Variants in CARS1 observed in about 807,000 individuals in gnomAD.
The protein encoded by CARS1 is cysteine--tRNA ligase, cytoplasmic.
A neutral mutation model predicts 106.2 loss-of-function variants in CARS1; 48 were observed. That is an observed-to-expected ratio of 0.45 (90% CI 0.36 to 0.57). The LOEUF (loss-of-function observed/expected upper bound fraction) is 0.57. Among genes scored for constraint, CARS1 ranks in the 20% least tolerant of loss-of-function variants. The pLI is 0.00. For synonymous variants in CARS1, 409 were observed against 403.4 expected (o/e 1.01, Z -0.17); for missense variants, 968 against 1,057.2 (o/e 0.92, Z 1.17).
rs1028149468 is a variant in CARS1 at position 3,045,683 on chromosome 11, G to A, written c.274+2070C>T. On this transcript the variant is annotated intron_variant, in intron 2 of 22. Coordinates refer to ENST00000380525, the MANE Select transcript of CARS1 (RefSeq NM_001014437.3). This position sits in a 1 kb window ranked among gnomAD's most constrained non-coding sequence, Gnocchi z 5.6. ...ACACAGGCACATCTGATGCTGCTGG[G>A]ATGTCCAACAGAGGTGGAAGGGCGA... is the stretch of plus-strand genomic sequence containing the variant. 2.6e-5 allele frequency among the ~76,000 whole-genome samples: 4 copies of A among 152,232 alleles called. No homozygotes were observed. Among genetic ancestry groups the A allele is most frequent in the African/African-American group, 9.6e-5 (4 of 41,466 alleles).
rs1279483648 is a variant in CARS1, at chr11:3,048,863, T to A, written c.26-862A>T. Reference sequence around the variant, plus strand: ...GGCCCCAGGCCCCAGCCTCCCTCCTTAGAGCCTTCAAAGCAGTAAGCGTGC... The same window carrying A: ...GGCCCCAGGCCCCAGCCTCCCTCCTAAGAGCCTTCAAAGCAGTAAGCGTGC... On this transcript the variant is annotated intron_variant, in intron 1 of 22. Transcript: ENST00000380525. The surrounding 1 kb of genome is among the most constrained non-coding windows in gnomAD (Gnocchi z 5.1). Among the ~76,000 whole-genome samples the A allele has an allele frequency of 6.6e-6, 1 of 152,112 alleles. No homozygotes were observed. Among genetic ancestry groups the A allele is most frequent in the Non-Finnish European group, 1.5e-5 (1 of 68,008 alleles).
chr11:3,019,456 G>A lies in CARS1; in HGVS notation c.1267-189C>T, dbSNP rs1039138240. 4.6e-5 allele frequency among the ~76,000 whole-genome samples: 7 copies of A among 152,198 alleles called. No individual in the cohort carries two copies. The highest frequency in any genetic ancestry group is 7.3e-5 in the Non-Finnish European group (5 of 68,032). On this transcript the variant is annotated intron_variant, in intron 11 of 22. Transcript: ENST00000380525. The surrounding 1 kb of genome is among the most constrained non-coding windows in gnomAD (Gnocchi z 6.2). ...CACACCTGTAATCCCAGCACTTTGC[G>A]ATGCCGAGGCAGACGGATCACCAGG...
chr11:3,026,712 C>T lies in CARS1; in HGVS notation c.1117G>A (p.Ala373Thr). 1 of 1,614,062 alleles carries T rather than the reference C, an allele frequency of 6.2e-7. No homozygotes were observed. Among genetic ancestry groups the T allele is most frequent in the Non-Finnish European group, 8.5e-7 (1 of 1,179,996 alleles). Residue 373 changes from alanine (A) to threonine (T), a missense_variant, in exon 10 of 23, where the codon GCC becomes ACC. Transcript: ENST00000380525. Reference sequence around the variant, plus strand: ...TGAAGGGCTTTCTGATCTCCAACGGCCTCAGGCACCAGCTTCCCATAGGAG... The same window carrying T: ...TGAAGGGCTTTCTGATCTCCAACGGTCTCAGGCACCAGCTTCCCATAGGAG... Reference protein sequence around the residue: ...KHSYGKLVPEAVGDQKALQEG... With the variant: ...KHSYGKLVPETVGDQKALQEG...
chr11:3,017,812 A>C lies in CARS1; in HGVS notation c.1727+45T>G, dbSNP rs1851195242. 1 of 1,322,100 alleles carries C rather than the reference A, an allele frequency of 7.6e-7. No individual in the cohort carries two copies. Among genetic ancestry groups the C allele is most frequent in the Non-Finnish European group, 1.1e-6 (1 of 914,382 alleles). 81.9% of individuals were successfully genotyped at this position (1,322,100 alleles called of 1,614,324 possible). A position where few individuals can be genotyped will look rare whatever the true frequency, so the allele number is the denominator to read the frequency against. On this transcript the variant is annotated intron_variant, in intron 15 of 22. Transcript: ENST00000380525. This position sits in a 1 kb window ranked among gnomAD's most constrained non-coding sequence, Gnocchi z 4.9. ...GGCCAAGATGCGAGGCTAGGCATAG[A>C]ACATGGGCATGCTCAAAAACCCCAA... is the stretch of plus-strand genomic sequence containing the variant.
chr11:3,005,496 AGCCCTGCCCT>A (rs376603650), intron 19 of CARS1, 63 bp from the exon 20 acceptor site: 12 of 1,305,352 alleles, frequency 9.2e-6, no homozygotes, highest in East Asian at 6.9e-5. Flanking sequence ...CTGCGGGGCC[AGCCCTGCCCT>A]GCCCTGCCCT....
Position 3,007,553 on chromosome 11 carries a change from C to T in CARS1, c.2069-594G>A, listed in dbSNP as rs549526199. Reference sequence around the variant, plus strand: ...TCAGCCCTCCCAGGGCTGAAGCGCACGCAGCTGTAAAGGCGGGGCTGAGCG... The same window carrying T: ...TCAGCCCTCCCAGGGCTGAAGCGCATGCAGCTGTAAAGGCGGGGCTGAGCG... On this transcript the variant is annotated intron_variant, in intron 18 of 22. Transcript: ENST00000380525. 25 of 152,878 alleles carry T rather than the reference C, an allele frequency of 1.6e-4. No individual in the cohort carries two copies. The South Asian group carries it at 4.1e-3, about 25-fold the overall frequency. 9.5% of individuals were successfully genotyped at this position (152,878 alleles called of 1,614,324 possible). A position where few individuals can be genotyped will look rare whatever the true frequency, so the allele number is the denominator to read the frequency against.
chr11:3,057,306 C>G (rs4758463), intron 1 of CARS1, 37 bp downstream of exon 1: 330,488 of 1,590,730 alleles, frequency 0.21, 36,577 homozygotes, highest in South Asian at 0.3. Flanking sequence ...AGTCAGGCCC[C>G]CAGCCGCCCT....
rs927801092 is a variant in CARS1 at position 3,044,577 on chromosome 11, A to G, written c.275-2321T>C. ...ACGCCCCACCAATTTTTGTATCTTT[A>G]GTAGGGATGGGGTTTCACCATATTG... On this transcript the variant is annotated intron_variant, in intron 2 of 22. Coordinates refer to ENST00000380525, the MANE Select transcript of CARS1 (RefSeq NM_001014437.3). This position sits in a 1 kb window ranked among gnomAD's most constrained non-coding sequence, Gnocchi z 4.4. Among the ~76,000 whole-genome samples, 1 of 152,100 alleles carries G rather than the reference A, an allele frequency of 6.6e-6. No homozygotes were observed. The highest frequency in any genetic ancestry group is 1.9e-4 in the East Asian group (1 of 5,182).
chr11:3,042,449 G>A, intron 2 of CARS1, 193 bp from the exon 3 acceptor site: 1 of 560,412 alleles, frequency 1.8e-6, no homozygotes, highest in Non-Finnish European at 3.2e-6. Flanking sequence ...TTTTTAGACG[G>A]AGTCTCGCTC....
Position 3,040,819 on chromosome 11 carries a change from C to A in CARS1, c.455+77G>T. On this transcript the variant is annotated intron_variant, in intron 4 of 22. Coordinates refer to ENST00000380525, the MANE Select transcript of CARS1 (RefSeq NM_001014437.3). The surrounding 1 kb of genome is among the most constrained non-coding windows in gnomAD (Gnocchi z 5.8). Reference sequence around the variant, plus strand: ...TCTAAGATCTTTGTGGACCTAAGATCGCTGCTGTGGATCCCAATGGCTCTG... The same window carrying A: ...TCTAAGATCTTTGTGGACCTAAGATAGCTGCTGTGGATCCCAATGGCTCTG... The A allele has an allele frequency of 6.8e-7, 1 of 1,468,366 alleles. No individual in the cohort carries two copies. The highest frequency in any genetic ancestry group is 9.4e-7 in the Non-Finnish European group (1 of 1,067,634). 91.0% of individuals were successfully genotyped at this position (1,468,366 alleles called of 1,614,324 possible). A position where few individuals can be genotyped will look rare whatever the true frequency, so the allele number is the denominator to read the frequency against.
At position 3,022,125 on chromosome 11, in the gene CARS1, C is replaced by T. The variant is rs1344840076; in HGVS notation, c.1154-1793G>A. On this transcript the variant is annotated intron_variant, in intron 10 of 22. Coordinates refer to ENST00000380525, the MANE Select transcript of CARS1 (RefSeq NM_001014437.3). This position sits in a 1 kb window ranked among gnomAD's most constrained non-coding sequence, Gnocchi z 4.9. ...CCGGTCACTGGCCAGGTGCAGTGCA[C>T]GTCCATCCGCTTCCCTGCAGCTCTA... is the stretch of plus-strand genomic sequence containing the variant. Among the ~76,000 whole-genome samples the T allele has an allele frequency of 2.6e-5, 4 of 152,194 alleles. No individual in the cohort carries two copies. Among genetic ancestry groups the T allele is most frequent in the Non-Finnish European group, 4.4e-5 (3 of 68,030 alleles).
intron 10 of CARS1, among the ~76,000 whole-genome samples, chr11:3,025,235 T>C (rs1340777212): frequency 6.6e-6 from 1 of 152,214 alleles, no homozygotes; most frequent in Non-Finnish European, 1.5e-5. Context: ...TATTTTATTA[T>C]ATATTTTTTT....
Position 3,028,334 on chromosome 11 carries a change from TC to T in CARS1, c.1031+661del. On this transcript the variant is annotated intron_variant, in intron 9 of 22. Coordinates refer to ENST00000380525, the MANE Select transcript of CARS1 (RefSeq NM_001014437.3). This position sits in a 1 kb window ranked among gnomAD's most constrained non-coding sequence, Gnocchi z 4.4. ...GGTCTCCGCGTCTTGGTGGTAGTGG[TC>T]CCCCGGGCCCAGCTGTCTTCTCTTT... 8 of 498,794 alleles carry T rather than the reference TC, an allele frequency of 1.6e-5. No homozygotes were observed. Among genetic ancestry groups the T allele is most frequent in the South Asian group, 2.1e-5 (1 of 48,370 alleles). The allele number at this position is 498,794 out of a possible 1,614,324, so 30.9% of individuals were successfully genotyped here. A position where few individuals can be genotyped will look rare whatever the true frequency, so the allele number is the denominator to read the frequency against.
Position 3,001,014 on chromosome 11 carries a change from A to G in CARS1, c.*100T>C. ...GAACACAACTCTTAATTTAGGACCC[A>G]AGGGTGACTGTAAACATGATAGGAG... On this transcript the variant is annotated 3_prime_UTR_variant, in exon 23 of 23. Coordinates refer to ENST00000380525, the MANE Select transcript of CARS1 (RefSeq NM_001014437.3). 7.4e-7 allele frequency: 1 copy of G among 1,356,472 alleles called. No homozygotes were observed. 84.0% of individuals were successfully genotyped at this position (1,356,472 alleles called of 1,614,324 possible).
Position 3,041,133 on chromosome 11 carries a change from A to G in CARS1, c.367-149T>C. 7.6e-7 allele frequency: 1 copy of G among 1,318,406 alleles called. No homozygotes were observed. Among genetic ancestry groups the G allele is most frequent in the Non-Finnish European group, 1.0e-6 (1 of 958,366 alleles). 81.7% of individuals were successfully genotyped at this position (1,318,406 alleles called of 1,614,324 possible). A position where few individuals can be genotyped will look rare whatever the true frequency, so the allele number is the denominator to read the frequency against. ...ATTTTGTTTTACTGTGAAAAGTCACAGTCTCAGTGGGAGCCCAGTGAGATG... is the reference window on the plus strand; with the variant it reads ...ATTTTGTTTTACTGTGAAAAGTCACGGTCTCAGTGGGAGCCCAGTGAGATG... On this transcript the variant is annotated intron_variant, in intron 3 of 22. Coordinates refer to ENST00000380525, the MANE Select transcript of CARS1 (RefSeq NM_001014437.3). The surrounding 1 kb of genome is among the most constrained non-coding windows in gnomAD (Gnocchi z 4.9).
chr11:3,002,770 C>A (rs1849514817), intron 20 of CARS1, among the ~76,000 whole-genome samples, 170 bp from the exon 21 acceptor site: 1 of 152,134 alleles, frequency 6.6e-6, no homozygotes, highest in African/African-American at 2.4e-5. Context: ...CCGGGCAGCA[C>A]ACCGACCCTC....
chr11:3,002,342 C>A (rs1293736698), intron 21 of CARS1, 199 bp downstream of exon 21: 4 of 957,272 alleles, frequency 4.2e-6, no homozygotes, highest in Non-Finnish European at 6.2e-6. Flanking sequence ...CACAGCCTTC[C>A]CCTTGGCCAG....
chr11:3,040,194 C>A lies in CARS1; in HGVS notation c.456-263G>T. On this transcript the variant is annotated intron_variant, in intron 4 of 22. Transcript: ENST00000380525. The surrounding 1 kb of genome is among the most constrained non-coding windows in gnomAD (Gnocchi z 5.8). ...GATTTTCTTCATAATATTTTCTTTT[C>A]TCTGGCTTCCTTTATCATTAGGAAT... 1 of 404,836 alleles carries A rather than the reference C, an allele frequency of 2.5e-6. No individual in the cohort carries two copies. Among genetic ancestry groups the A allele is most frequent in the East Asian group, 4.5e-5 (1 of 22,024 alleles). 25.1% of individuals were successfully genotyped at this position (404,836 alleles called of 1,614,324 possible). A position where few individuals can be genotyped will look rare whatever the true frequency, so the allele number is the denominator to read the frequency against.
chr11:3,033,985 T>C (rs1036359653), intron 7 of CARS1, among the ~76,000 whole-genome samples: 3 of 152,192 alleles, frequency 2.0e-5, no homozygotes, highest in African/African-American at 7.2e-5. Context: ...TCTCACTATG[T>C]TGTCCCGGCT....
Sources: allele counts gnomAD v4.1 joint callset (sites outside exome capture counted in the v4.1 genomes callset), GRCh38; gene constraint gnomAD v4.1.1; non-coding constraint Gnocchi (gnomAD v3.1); transcripts MANE v1.5; gene names NCBI Gene and HGNC (gene_info 2026-07-23, HGNC 2026-07-21).